The following IL12RB2 variants were observed in gnomAD, a reference collection of about 807,000 sequenced individuals.
IL12RB2 encodes interleukin 12 receptor subunit beta 2.
In IL12RB2, 82 loss-of-function variants were observed where a neutral mutation model predicts 89.4. That is an observed-to-expected ratio of 0.92 (90% CI 0.77 to 1.10). The LOEUF is 1.10. Among genes scored for constraint, IL12RB2 ranks in the 50% least tolerant of loss-of-function variants. The pLI is 0.00. For missense variants in IL12RB2, 963 were observed against 1,031.9 expected (o/e 0.93, Z 0.92); for synonymous variants, 368 against 370.1 (o/e 0.99, Z 0.07).
At chr1:67,391,586 A>G (rs1435176521) in intron 16 of IL12RB2, among the ~76,000 whole-genome samples, 1 of 150,328 alleles carries the variant, frequency 6.7e-6, no homozygotes, top group Non-Finnish European at 1.5e-5. Flanking sequence ...GGCACTTTTG[A>G]AAACATTTTC....
intron 1 of IL12RB2, among the ~76,000 whole-genome samples, chr1:67,313,268 C>A (rs1480600925): frequency 6.6e-6 from 1 of 152,116 alleles, no homozygotes; most frequent in African/African-American, 2.4e-5. Flanking sequence ...GTTTCATCCT[C>A]TTTTGAGGGA....
At chr1:67,365,075 AG>A (rs1285771438) in intron 10 of IL12RB2, among the ~76,000 whole-genome samples, 1 of 152,264 alleles carries the variant, frequency 6.6e-6, no homozygotes, top group Non-Finnish European at 1.5e-5. Flanking sequence ...AAGTCTCAAG[AG>A]AAATTTTAAA....
At chr1:67,374,860 A>T in intron 13 of IL12RB2, among the ~76,000 whole-genome samples, 1 of 147,568 alleles carries the variant, frequency 6.8e-6, no homozygotes. Context: ...GTTGATTCTT[A>T]AAGCTGCTCT....
chr1:67,335,289 G>A (rs1260105457), intron 8 of IL12RB2, among the ~76,000 whole-genome samples: 1 of 152,198 alleles, frequency 6.6e-6, no homozygotes, highest in Non-Finnish European at 1.5e-5. Flanking sequence ...TAAAGCAAGA[G>A]GGAGCGGGGT....
chr1:67,375,613 A>AC (rs1663877032), intron 13 of IL12RB2, among the ~76,000 whole-genome samples: 1 of 152,142 alleles, frequency 6.6e-6, no homozygotes, highest in Non-Finnish European at 1.5e-5. Flanking sequence ...GTGTTTCAGC[A>AC]CCATTAACCA....
chr1:67,360,761 A>C (rs1196729692), intron 10 of IL12RB2, among the ~76,000 whole-genome samples: 1 of 151,246 alleles, frequency 6.6e-6, no homozygotes, highest in Non-Finnish European at 1.5e-5. Flanking sequence ...ACTCTACTGC[A>C]CTCCAGCCTG....
At chr1:67,368,209 G>C (rs1338510868) in intron 11 of IL12RB2, among the ~76,000 whole-genome samples, 184 bp downstream of exon 11, 1 of 152,168 alleles carries the variant, frequency 6.6e-6, no homozygotes, top group African/African-American at 2.4e-5. Context: ...TGACCAACTG[G>C]TTGACTAAAA....
At chr1:67,395,376 TC>T (rs1351757392) in intron 16 of IL12RB2, among the ~76,000 whole-genome samples, 170 bp from the exon 17 acceptor site, 1 of 152,086 alleles carries the variant, frequency 6.6e-6, no homozygotes, top group Non-Finnish European at 1.5e-5. Context: ...CCCCTCTGCC[TC>T]CCCAACAATG....
chr1:67,322,652 T>C (rs1390322336), intron 4 of IL12RB2, among the ~76,000 whole-genome samples: 1 of 130,348 alleles, frequency 7.7e-6, no homozygotes, highest in Non-Finnish European at 1.7e-5. Context: ...AGAAAGAGCA[T>C]ATAGAAATCT....
intron 9 of IL12RB2, among the ~76,000 whole-genome samples, chr1:67,342,408 CT>C (rs540276931): frequency 1.7e-3 from 265 of 152,260 alleles, no homozygotes; most frequent in Non-Finnish European, 3.2e-3. Context: ...TGACCTTTCA[CT>C]TTTGTAGGAT....
chr1:67,384,456 C>T (rs1451962362), intron 14 of IL12RB2, among the ~76,000 whole-genome samples: 2 of 152,190 alleles, frequency 1.3e-5, no homozygotes, highest in Admixed American at 6.5e-5. Flanking sequence ...CCATTTTTCC[C>T]TCCTAGGCCT....
intron 6 of IL12RB2, among the ~76,000 whole-genome samples, chr1:67,328,923 A>T (rs894055081): frequency 2.0e-5 from 3 of 152,208 alleles, no homozygotes; most frequent in African/African-American, 7.2e-5. Flanking sequence ...GTCCAGTTGA[A>T]TCAGAGGCCA....
intron 9 of IL12RB2, among the ~76,000 whole-genome samples, chr1:67,339,394 C>T (rs938920173): frequency 7.3e-5 from 11 of 150,596 alleles, no homozygotes; most frequent in African/African-American, 1.2e-4. Flanking sequence ...GGCTGAGGCA[C>T]GAGAATCACT....
chr1:67,373,362 G>A (rs947460192), intron 13 of IL12RB2, among the ~76,000 whole-genome samples: 1 of 152,100 alleles, frequency 6.6e-6, no homozygotes, highest in Non-Finnish European at 1.5e-5. Context: ...TGCCTACCTC[G>A]GCCTCCCAAA....
At chr1:67,328,775 T>C (rs1657668326) in intron 6 of IL12RB2, among the ~76,000 whole-genome samples, 1 of 152,180 alleles carries the variant, frequency 6.6e-6, no homozygotes, top group Non-Finnish European at 1.5e-5. Flanking sequence ...TGAGATAGGC[T>C]ACATGTGGGC....
At chr1:67,388,623 C>T (rs1309716384) in intron 15 of IL12RB2, among the ~76,000 whole-genome samples, 2 of 152,126 alleles carry the variant, frequency 1.3e-5, no homozygotes, top group Non-Finnish European at 2.9e-5. Flanking sequence ...GGATTACAGG[C>T]GTGAGCCACC....
At chr1:67,312,141 C>T (rs1655145259) in intron 1 of IL12RB2, among the ~76,000 whole-genome samples, 1 of 152,176 alleles carries the variant, frequency 6.6e-6, no homozygotes, top group Non-Finnish European at 1.5e-5. Flanking sequence ...TATGAAGTTA[C>T]CTGCCATGGT....
At chr1:67,338,099 T>G (rs1364858401) in intron 8 of IL12RB2, among the ~76,000 whole-genome samples, 6 of 151,242 alleles carry the variant, frequency 4.0e-5, no homozygotes, top group African/African-American at 1.5e-4. Context: ...GAGGCCAAGG[T>G]GGGTGGATCT....
intron 13 of IL12RB2, among the ~76,000 whole-genome samples, chr1:67,379,374 G>A (rs1009498588): frequency 6.6e-6 from 1 of 151,012 alleles, no homozygotes; most frequent in African/African-American, 2.4e-5. Flanking sequence ...GCTGGGCATG[G>A]TGGCACATAC....
Sources: gnomAD v4.1 joint callset for allele counts (sites outside exome capture counted in the v4.1 genomes callset) on GRCh38, gnomAD v4.1.1 for gene constraint, MANE v1.5 for transcripts, NCBI Gene and HGNC (gene_info 2026-07-23, HGNC 2026-07-21) for gene names.